Variants in SCFD1 observed in about 807,000 individuals in gnomAD.
The protein encoded by SCFD1 is sec1 family domain containing 1.
Under a neutral mutation model 103.2 loss-of-function variants are expected in SCFD1, and 37 were observed. The observed-to-expected ratio is 0.36, with a 90% CI of 0.28 to 0.47. The LOEUF (loss-of-function observed/expected upper bound fraction) is 0.47. SCFD1 is among the 20% of genes least tolerant of loss of function. SCFD1 has a pLI of 1.00. For synonymous variants in SCFD1, 264 were observed against 245.0 expected, an observed-to-expected ratio of 1.08 and a Z score of -0.73; for missense variants, 639 against 761.2, an observed-to-expected ratio of 0.84 and a Z score of 1.89.
In SCFD1 at chr14:30,694,851, A is replaced by G; in HGVS notation, c.1321A>G (p.Ile441Val). The G allele has an allele frequency of 3.1e-6, 5 of 1,587,416 alleles. No individual in the cohort carries two copies. Among genetic ancestry groups the G allele is most frequent in the South Asian group, 2.4e-5 (2 of 84,824 alleles). Residue 441 changes from isoleucine (I) to valine (V), a missense_variant, in exon 15 of 25, where the codon ATA becomes GTA. Coordinates refer to ENST00000458591, the MANE Select transcript of SCFD1 (RefSeq NM_016106.4). The part of the protein sequence containing the change: ...KTTLDKSLLD[I>V]ISDPDAGTPE... ...TACTCTGGATAAATCTCTTCTAGAT[A>G]TAATATCAGACCCTGATGGTATGTA... is the stretch of plus-strand genomic sequence containing the variant.
At chr14:30,645,372 A>G (rs1401020976) in intron 7 of SCFD1, among the ~76,000 whole-genome samples, 1 of 152,142 alleles carries the variant, frequency 6.6e-6, no homozygotes, top group Non-Finnish European at 1.5e-5. Context: ...TTCTGTGAAA[A>G]CTGGCATTGG....
At chr14:30,672,169 A>G (rs1241408640) in intron 11 of SCFD1, among the ~76,000 whole-genome samples, 1 of 152,172 alleles carries the variant, frequency 6.6e-6, no homozygotes, top group African/African-American at 2.4e-5. Flanking sequence ...CACACATTTT[A>G]CAGATAAAGC....
At chr14:30,702,857 A>C (rs1045225459) in intron 17 of SCFD1, among the ~76,000 whole-genome samples, 8 of 152,174 alleles carry the variant, frequency 5.3e-5, no homozygotes, top group African/African-American at 1.9e-4. Context: ...ACTTCTCTTA[A>C]GGATTTATCC....
intron 2 of SCFD1, among the ~76,000 whole-genome samples, chr14:30,628,826 A>G (rs1325525638): frequency 6.6e-6 from 1 of 152,206 alleles, no homozygotes; most frequent in African/African-American, 2.4e-5. Context: ...AGATGTTATA[A>G]TACAGTTGAT....
intron 20 of SCFD1, among the ~76,000 whole-genome samples, chr14:30,718,399 T>G (rs1001036497): frequency 2.0e-5 from 3 of 152,250 alleles, no homozygotes; most frequent in African/African-American, 7.2e-5. Context: ...GACTTTCACT[T>G]TATAACTCAA....
intron 19 of SCFD1, among the ~76,000 whole-genome samples, chr14:30,709,192 G>GA (rs1054276537): frequency 2.0e-5 from 3 of 152,090 alleles, no homozygotes; most frequent in Non-Finnish European, 2.9e-5. Context: ...CCTGTATTCA[G>GA]AAAAAAACAA....
intron 23 of SCFD1, among the ~76,000 whole-genome samples, chr14:30,724,415 G>A (rs1892898640): frequency 6.6e-6 from 1 of 151,754 alleles, no homozygotes; most frequent in Non-Finnish European, 1.5e-5. Flanking sequence ...TCCACAACCA[G>A]CTAATTTTTG....
At chr14:30,730,107 T>C (rs1277114800) in intron 23 of SCFD1, among the ~76,000 whole-genome samples, 2 of 152,160 alleles carry the variant, frequency 1.3e-5, no homozygotes, top group African/African-American at 4.8e-5. Context: ...GAACATGCAG[T>C]GTTTGGTTTT....
intron 4 of SCFD1, among the ~76,000 whole-genome samples, chr14:30,635,319 T>C (rs1884614251): frequency 1.3e-5 from 2 of 152,128 alleles, no homozygotes; most frequent in Non-Finnish European, 1.5e-5. Context: ...GGTTCATTGG[T>C]TTTTAATATA....
intron 7 of SCFD1, chr14:30,643,784 C>G: frequency 3.3e-6 from 1 of 303,624 alleles, no homozygotes; most frequent in Non-Finnish European, 6.4e-6. Flanking sequence ...AGTTCAGATG[C>G]CCAAGGCTCC....
chr14:30,701,845 T>C (rs1004542830), intron 16 of SCFD1, among the ~76,000 whole-genome samples: 28 of 152,250 alleles, frequency 1.8e-4, no homozygotes, highest in African/African-American at 6.0e-4. Flanking sequence ...GGACACCTGT[T>C]GTCCAGTTAA....
intron 20 of SCFD1, 73 bp downstream of exon 20, chr14:30,716,050 T>C (rs1299980783): frequency 4.8e-6 from 4 of 837,836 alleles, no homozygotes; most frequent in Non-Finnish European, 8.0e-6. Context: ...GAGGATAAAA[T>C]CAGATTGAGT....
chr14:30,637,281 C>T (rs1884823565), intron 4 of SCFD1, among the ~76,000 whole-genome samples: 1 of 152,048 alleles, frequency 6.6e-6, no homozygotes, highest in Non-Finnish European at 1.5e-5. Context: ...CTAGCGTTTC[C>T]CTTTTCTCTT....
intron 16 of SCFD1, among the ~76,000 whole-genome samples, 166 bp downstream of exon 16, chr14:30,700,424 A>G (rs1252324756): frequency 1.3e-5 from 2 of 152,120 alleles, no homozygotes; most frequent in Non-Finnish European, 1.5e-5. Context: ...TGTAATCCCA[A>G]CACTTTGGGA....
At chr14:30,623,530 G>A (rs1883072835) in intron 1 of SCFD1, among the ~76,000 whole-genome samples, 1 of 152,112 alleles carries the variant, frequency 6.6e-6, no homozygotes, top group South Asian at 2.1e-4. Context: ...GGGCATACCT[G>A]CCATTCGTTG....
chr14:30,644,872 T>G (rs571197609), intron 7 of SCFD1, among the ~76,000 whole-genome samples: 1 of 152,204 alleles, frequency 6.6e-6, no homozygotes, highest in South Asian at 2.1e-4. Flanking sequence ...GTTTTTCTGG[T>G]GGTTGTTTTT....
At chr14:30,627,719 G>C (rs1883632081) in intron 1 of SCFD1, among the ~76,000 whole-genome samples, 1 of 146,872 alleles carries the variant, frequency 6.8e-6, no homozygotes, top group African/African-American at 2.5e-5. Flanking sequence ...CTCCAGCCTG[G>C]GCAACAAGAG....
In SCFD1 at chr14:30,673,311, A is replaced by C; in HGVS notation, c.1050A>C (p.Ala350=). ...SVQQELESYR[A]QEDEVKRLKS... ...AGCAAGAACTAGAATCTTACAGAGC[A>C]CAGGAAGATGAGGTCAAACGACTTA... is the stretch of plus-strand genomic sequence containing the variant. Residue 350 remains alanine (A), a synonymous_variant, in exon 12 of 25, where the codon GCA becomes GCC. Transcript: ENST00000458591. 6.3e-7 allele frequency: 1 copy of C among 1,597,564 alleles called. No individual in the cohort carries two copies. Among genetic ancestry groups the C allele is most frequent in the Non-Finnish European group, 8.6e-7 (1 of 1,169,440 alleles).
intron 19 of SCFD1, among the ~76,000 whole-genome samples, chr14:30,714,439 A>T (rs1430282616): frequency 6.6e-6 from 1 of 152,046 alleles, no homozygotes; most frequent in Non-Finnish European, 1.5e-5. Context: ...GTATATTCAG[A>T]CAGCTTGAAC....
Sources: gnomAD v4.1 joint callset for allele counts (sites outside exome capture counted in the v4.1 genomes callset) on GRCh38, gnomAD v4.1.1 for gene constraint, MANE v1.5 for transcripts, NCBI Gene and HGNC (gene_info 2026-07-23, HGNC 2026-07-21) for gene names.